Variants in STK4 observed in about 807,000 individuals in gnomAD.
STK4 encodes serine/threonine kinase 4, also known as serine/threonine-protein kinase 4.
STK4 carries 30 observed loss-of-function variants against 64.9 expected under a neutral mutation model. That is an observed-to-expected ratio of 0.46 (90% confidence interval 0.35 to 0.63). The LOEUF is 0.63. STK4 is among the 20% of genes least tolerant of loss of function. The pLI, the probability that STK4 is intolerant of heterozygous loss-of-function variation, is 0.01. For missense variants in STK4, 466 were observed against 598.5 expected (o/e 0.78, Z 2.31); for synonymous variants, 177 against 199.0 (o/e 0.89, Z 0.93).
intron 5 of STK4, among the ~76,000 whole-genome samples, chr20:44,994,482 A>G (rs2095749978): frequency 6.6e-6 from 1 of 151,180 alleles, no homozygotes; most frequent in African/African-American, 2.4e-5. Flanking sequence ...GAAAAGGTAT[A>G]TATCTTCTTT....
At chr20:45,066,217 T>C (rs937220341) in intron 10 of STK4, among the ~76,000 whole-genome samples, 13 of 132,258 alleles carry the variant, frequency 9.8e-5, no homozygotes, top group Non-Finnish European at 1.9e-4. Flanking sequence ...CACACACAGA[T>C]ATCTAGCTAG....
intron 10 of STK4, among the ~76,000 whole-genome samples, chr20:45,066,067 C>G (rs1384540740): frequency 6.6e-6 from 1 of 151,986 alleles, no homozygotes; most frequent in African/African-American, 2.4e-5. Context: ...TTATCTCTTA[C>G]TGTGCCTAAT....
intron 10 of STK4, among the ~76,000 whole-genome samples, chr20:45,045,545 A>G (rs78534310): frequency 0.019 from 2,940 of 152,338 alleles, 92 homozygotes; most frequent in African/African-American, 0.066. Context: ...AACCAGGAAG[A>G]ATGATTTCAG....
At chr20:45,024,856 C>G (rs2068315037) in intron 9 of STK4, 117 bp from the exon 10 acceptor site, 5 of 1,072,854 alleles carry the variant, frequency 4.7e-6, no homozygotes, top group African/African-American at 1.6e-5. Context: ...AGTCCTTTAT[C>G]TAACAGAAAT....
chr20:45,052,960 C>T (rs1600542946), intron 10 of STK4: 2 of 682,142 alleles, frequency 2.9e-6, no homozygotes, highest in East Asian at 5.4e-5. Context: ...CTAAATTGTT[C>T]TTGACAGGGT....
intron 1 of STK4, among the ~76,000 whole-genome samples, chr20:44,967,681 G>A (rs1004107374): frequency 7.1e-6 from 1 of 141,282 alleles, no homozygotes; most frequent in Admixed American, 6.9e-5. Context: ...GGAAGTGCAG[G>A]GCAACCAAGA....
At chr20:45,054,932 C>T (rs1978342446) in intron 10 of STK4, among the ~76,000 whole-genome samples, 2 of 152,184 alleles carry the variant, frequency 1.3e-5, no homozygotes, top group African/African-American at 4.8e-5. Flanking sequence ...TTAACCTTCT[C>T]TCCCACCTGT....
intron 2 of STK4, among the ~76,000 whole-genome samples, chr20:44,976,791 T>C (rs565043987): frequency 6.6e-6 from 1 of 152,324 alleles, no homozygotes; most frequent in South Asian, 2.1e-4. Flanking sequence ...GAGAAGCCGT[T>C]AATTGGCTTG....
chr20:45,027,430 CAAAAAAA>C (rs35208496), intron 10 of STK4, among the ~76,000 whole-genome samples: 1 of 79,412 alleles, frequency 1.3e-5, no homozygotes, highest in African/African-American at 4.8e-5. Context: ...AACTCCGTCT[CAAAAAAA>C]AAAAAAAAAA....
intron 10 of STK4, among the ~76,000 whole-genome samples, chr20:45,045,740 T>A (rs2068683408): frequency 6.6e-6 from 1 of 152,220 alleles, no homozygotes; most frequent in South Asian, 2.1e-4. Context: ...TGTTCTTTCT[T>A]ATTTACTTTC....
At chr20:45,069,430 T>C (rs1056832159) in intron 10 of STK4, among the ~76,000 whole-genome samples, 3 of 152,230 alleles carry the variant, frequency 2.0e-5, no homozygotes, top group African/African-American at 7.2e-5. Flanking sequence ...CAAAGTGTAT[T>C]TCTTATAACA....
chr20:45,008,980 G>A (rs1386295330), intron 9 of STK4, among the ~76,000 whole-genome samples: 1 of 151,992 alleles, frequency 6.6e-6, no homozygotes, highest in East Asian at 1.9e-4. Flanking sequence ...CTCCCTTTCT[G>A]TAGGTTGTTT....
In STK4 at chr20:44,984,098, G is replaced by GTT. The variant is rs35985832; in HGVS notation, c.360+2163_360+2164dup. On this transcript the variant is annotated intron_variant, in intron 4 of 10. Coordinates refer to ENST00000372806, the MANE Select transcript of STK4 (RefSeq NM_006282.5). The stretch of plus-strand genomic sequence containing the variant: ...AAAATTAATTTTGATGGCACTTTTG[G>GTT]TTTTTTTTTGCCATTGTAATAGTAG... Among the ~76,000 whole-genome samples, 48 of 143,358 alleles carry GTT rather than the reference G, an allele frequency of 3.3e-4. 1 individual carries two copies. Among genetic ancestry groups the GTT allele is most frequent in the African/African-American group, 4.9e-4 (19 of 38,542 alleles). The allele number at this position is 143,358 out of a possible 152,430, so 94.0% of individuals were successfully genotyped here.
chr20:44,980,005 G>T (rs2067409260), intron 3 of STK4, among the ~76,000 whole-genome samples: 12 of 152,174 alleles, frequency 7.9e-5, no homozygotes, highest in Admixed American at 7.9e-4. Flanking sequence ...ATATTTTCAA[G>T]CGTCTACTCT....
Position 45,066,181 on chromosome 20 carries a change from T to C in STK4, c.1306-8837T>C, listed in dbSNP as rs1979553223. The stretch of plus-strand genomic sequence containing the variant: ...CATATGTATATACACATTATATATC[T>C]ACACACACACACACACACACACACA... On this transcript the variant is annotated intron_variant, in intron 10 of 10. Transcript: ENST00000372806. Among the ~76,000 whole-genome samples the C allele has an allele frequency of 2.7e-5, 4 of 147,514 alleles. No homozygotes were observed. In the South Asian group the frequency reaches 6.5e-4, roughly 24 times the overall value.
At chr20:44,995,841 C>CG (rs1284322088) in intron 6 of STK4, among the ~76,000 whole-genome samples, 1 of 151,546 alleles carries the variant, frequency 6.6e-6, no homozygotes, top group African/African-American at 2.4e-5. Flanking sequence ...TTGTGCTACT[C>CG]TCTCTCTCTG....
At chr20:44,981,387 T>C (rs1306414664) in intron 3 of STK4, among the ~76,000 whole-genome samples, 1 of 150,638 alleles carries the variant, frequency 6.6e-6, no homozygotes, top group African/African-American at 2.4e-5. Context: ...ACTCCTGAGC[T>C]CAGGCAATCC....
chr20:44,988,772 T>C (rs2067582654), intron 5 of STK4, among the ~76,000 whole-genome samples: 1 of 151,910 alleles, frequency 6.6e-6, no homozygotes, highest in Non-Finnish European at 1.5e-5. Flanking sequence ...AAATAAACTG[T>C]ACCCTTTAGC....
chr20:45,000,385 C>A lies in STK4; in HGVS notation c.832-7C>A. ...TGTCTCCAGTATTTTCTACTTTGTT[C>A]TTTTAGCACCCATTTGTCAGGAGTG... On this transcript the variant is annotated splice_region_variant and splice_polypyrimidine_tract_variant and intron_variant, in intron 7 of 10. Transcript: ENST00000372806. The A allele has an allele frequency of 6.2e-7, 1 of 1,612,650 alleles. No individual in the cohort carries two copies. The highest frequency in any genetic ancestry group is 1.1e-5 in the South Asian group (1 of 90,926).
Sources: allele counts gnomAD v4.1 joint callset (sites outside exome capture counted in the v4.1 genomes callset), GRCh38; gene constraint gnomAD v4.1.1; transcripts MANE v1.5; gene names NCBI Gene and HGNC (gene_info 2026-07-23, HGNC 2026-07-21).